The following MPDZ variants were observed in gnomAD, a reference collection of about 807,000 sequenced individuals.
MPDZ encodes the protein multiple PDZ domain crumbs cell polarity complex component.
A neutral mutation model predicts 239.1 loss-of-function variants in MPDZ; 234 were observed. The observed-to-expected ratio is 0.98, with a 90% CI of 0.88 to 1.09. MPDZ has a LOEUF of 1.09. Ranked by LOEUF, MPDZ falls within the 50% of genes least tolerant of loss-of-function variation. MPDZ has a pLI of 0.00. For missense variants in MPDZ, 3,175 were observed against 2,510.0 expected (o/e 1.26, Z -5.66); for synonymous variants, 1,048 against 881.3 (o/e 1.19, Z -3.35).
At position 13,158,035 on chromosome 9, in the gene MPDZ, A is replaced by G. The variant is rs759446963; in HGVS notation, c.3435T>C (p.Asn1145=). ...ESELQNTAYS[N]WNQPRRVELW... ...GTCCTTACCGCCTGGGCTGATTCCA[A>G]TTGCTATATGCTGTGTTTTGAAGTT... is the stretch of plus-strand genomic sequence containing the variant. Residue 1145 remains asparagine, a synonymous_variant, in exon 24 of 47, where the codon AAT becomes AAC. Transcript: ENST00000319217. The G allele has an allele frequency of 1.2e-6, 2 of 1,612,666 alleles. No homozygotes were observed. The highest frequency in any genetic ancestry group is 4.5e-5 in the East Asian group (2 of 44,730).
rs1208347272 is a variant in MPDZ at position 13,273,867 on chromosome 9, G to T, written c.-58+5533C>A. On this transcript the variant is annotated intron_variant, in intron 1 of 46. Transcript: ENST00000319217. ...CCTACATGCCACGTGGTAGTGAACTGTATCATATCTCTTCAAAAGACCTGA... is the reference window on the plus strand; with the variant it reads ...CCTACATGCCACGTGGTAGTGAACTTTATCATATCTCTTCAAAAGACCTGA... 3.3e-5 allele frequency among the ~76,000 whole-genome samples: 5 copies of T among 152,234 alleles called. No individual in the cohort carries two copies. The South Asian group carries it at 1.0e-3, about 32-fold the overall frequency.
chr9:13,197,808 A>G (rs1458744653), intron 12 of MPDZ, among the ~76,000 whole-genome samples: 4 of 151,990 alleles, frequency 2.6e-5, no homozygotes, highest in Admixed American at 1.3e-4. Flanking sequence ...TCCAGAAATC[A>G]ACTTTTTAAG....
intron 3 of MPDZ, among the ~76,000 whole-genome samples, chr9:13,226,847 G>GA (rs937972631): frequency 1.3e-4 from 19 of 151,680 alleles, no homozygotes; most frequent in African/African-American, 2.9e-4. Flanking sequence ...TACATTGGCA[G>GA]AAAAAAAATG....
At position 13,158,019 on chromosome 9, in the gene MPDZ, G is replaced by A. The variant is rs184850013; in HGVS notation, c.3451C>T (p.Arg1151Trp). 4.8e-5 allele frequency: 78 copies of A among 1,611,398 alleles called. No individual in the cohort carries two copies. The highest frequency in any genetic ancestry group is 5.9e-5 in the Non-Finnish European group (70 of 1,178,430). Residue 1151 changes from arginine (R) to tryptophan (W), a missense_variant and splice_region_variant, in exon 24 of 47, where the codon CGG (arginine) becomes TGG (tryptophan). By Grantham distance (101) the Arg-to-Trp change is moderately radical. Coordinates refer to ENST00000319217, the MANE Select transcript of MPDZ (RefSeq NM_001378778.1). Reference sequence around the variant, plus strand: ...ACAGAAGACAGAAATAGTCCTTACCGCCTGGGCTGATTCCAATTGCTATAT... The same window carrying A: ...ACAGAAGACAGAAATAGTCCTTACCACCTGGGCTGATTCCAATTGCTATAT... Reference protein sequence around the residue: ...TAYSNWNQPRRVELWREPSKS... With the variant: ...TAYSNWNQPRWVELWREPSKS...
intron 10 of MPDZ, among the ~76,000 whole-genome samples, chr9:13,208,985 C>T (rs1211487405): frequency 6.6e-6 from 1 of 152,134 alleles, no homozygotes; most frequent in Admixed American, 6.6e-5. Flanking sequence ...GCACCAAGGT[C>T]CTTAGACCAG....
chr9:13,128,684 G>A (rs1250867881), intron 32 of MPDZ, among the ~76,000 whole-genome samples: 2 of 152,170 alleles, frequency 1.3e-5, no homozygotes, highest in African/African-American at 4.8e-5. Context: ...ACAGTCCCAT[G>A]GTCACAGTCC....
intron 46 of MPDZ, among the ~76,000 whole-genome samples, chr9:13,107,699 G>C (rs1420432525): frequency 6.6e-6 from 1 of 152,156 alleles, no homozygotes; most frequent in Non-Finnish European, 1.5e-5. Flanking sequence ...CCCAAGGGTA[G>C]AGAGATTCTT....
chr9:13,236,249 G>GTGTA (rs1329605248), intron 3 of MPDZ, among the ~76,000 whole-genome samples: 3 of 35,864 alleles, frequency 8.4e-5, no homozygotes, highest in African/African-American at 3.5e-4. Context: ...GTGTGTGTGT[G>GTGTA]TATATATATA....
At chr9:13,157,750 C>T (rs557516607) in intron 24 of MPDZ, among the ~76,000 whole-genome samples, 3 of 152,062 alleles carry the variant, frequency 2.0e-5, no homozygotes, top group Admixed American at 1.3e-4. Context: ...CTCTACAGAA[C>T]GTATTATCCA....
At chr9:13,154,916 A>G (rs773100659) in intron 24 of MPDZ, among the ~76,000 whole-genome samples, 1 of 152,162 alleles carries the variant, frequency 6.6e-6, no homozygotes, top group Non-Finnish European at 1.5e-5. Context: ...TATTGGAAAT[A>G]GAAATAAAAA....
chr9:13,162,491 T>TG (rs1249166341), intron 23 of MPDZ, among the ~76,000 whole-genome samples, 200 bp downstream of exon 23: 9 of 151,876 alleles, frequency 5.9e-5, no homozygotes, highest in Non-Finnish European at 1.2e-4. Context: ...TTAATTTGAA[T>TG]ATTTATATAT....
Position 13,247,771 on chromosome 9 carries a change from C to T in MPDZ, c.47G>A (p.Arg16His), listed in dbSNP as rs557951656. The change falls in exon 3 of 47, where the codon CGC becomes CAC. Residue 16 changes from arginine to histidine, a missense_variant. Coordinates refer to ENST00000319217, the MANE Select transcript of MPDZ (RefSeq NM_001378778.1). ...DKNRALHAAE[R>H]LQTKLRERGD... ...ACGTTCTCGCAGCTTGGTTTGCAAGCGCTCTGCTGCATGCAGGGCCCGATT... is the reference window on the plus strand; with the variant it reads ...ACGTTCTCGCAGCTTGGTTTGCAAGTGCTCTGCTGCATGCAGGGCCCGATT... 2.4e-5 allele frequency: 39 copies of T among 1,611,442 alleles called. No individual in the cohort carries two copies. The highest frequency in any genetic ancestry group is 3.3e-5 in the South Asian group (3 of 90,910).
intron 38 of MPDZ, among the ~76,000 whole-genome samples, chr9:13,121,348 C>T (rs1423186599): frequency 6.6e-6 from 1 of 152,132 alleles, no homozygotes; most frequent in East Asian, 1.9e-4. Context: ...CCATGGGTCC[C>T]CCACAAAGCA....
chr9:13,214,912 A>T (rs916335279), intron 10 of MPDZ, among the ~76,000 whole-genome samples: 1 of 151,846 alleles, frequency 6.6e-6, no homozygotes, highest in African/African-American at 2.4e-5. Context: ...ACCCAAGAAG[A>T]CTCACGGAGT....
At chr9:13,244,034 A>G (rs1041031499) in intron 3 of MPDZ, among the ~76,000 whole-genome samples, 1 of 152,214 alleles carries the variant, frequency 6.6e-6, no homozygotes, top group Non-Finnish European at 1.5e-5. Context: ...CTTTAAAAAT[A>G]ATCTTAGCAA....
intron 19 of MPDZ, among the ~76,000 whole-genome samples, chr9:13,180,807 G>A (rs1953209071): frequency 6.6e-6 from 1 of 152,036 alleles, no homozygotes; most frequent in South Asian, 2.1e-4. Flanking sequence ...AGGTTCTTGA[G>A]TAATTGTTAT....
In MPDZ at chr9:13,205,905, C is replaced by T. The variant is rs768286143; in HGVS notation, c.1474+11G>A. The T allele has an allele frequency of 4.5e-6, 7 of 1,561,126 alleles. No homozygotes were observed. The highest frequency in any genetic ancestry group is 6.1e-6 in the Non-Finnish European group (7 of 1,156,080). ...AAGGTCTAACTAAAAACCAGATTAA[C>T]ATAGGATTACCTTTGATTATGCTGG... On this transcript the variant is annotated intron_variant, in intron 11 of 46. Transcript: ENST00000319217.
intron 12 of MPDZ, among the ~76,000 whole-genome samples, chr9:13,197,303 A>G (rs965860554): frequency 5.9e-5 from 9 of 151,788 alleles, no homozygotes; most frequent in African/African-American, 2.2e-4. Flanking sequence ...TTGTTTGTTT[A>G]TTTGTTTGTT....
intron 3 of MPDZ, among the ~76,000 whole-genome samples, chr9:13,237,367 G>A (rs1249529004): frequency 1.3e-5 from 2 of 149,812 alleles, no homozygotes; most frequent in African/African-American, 4.9e-5. Flanking sequence ...AGCCCAAGAG[G>A]TCGAGGCTGC....
Sources: gnomAD v4.1 joint callset for allele counts (sites outside exome capture counted in the v4.1 genomes callset) on GRCh38, gnomAD v4.1.1 for gene constraint, MANE v1.5 for transcripts, NCBI Gene and HGNC (gene_info 2026-07-23, HGNC 2026-07-21) for gene names.